The following NADK2 variants were observed in gnomAD, a reference collection of about 807,000 sequenced individuals.
The protein encoded by NADK2 is NAD kinase 2, mitochondrial, also known as NAD kinase domain-containing protein 1, mitochondrial.
In NADK2, 35 loss-of-function variants were observed where a neutral mutation model predicts 62.1. The observed-to-expected ratio is 0.56, with a 90% confidence interval of 0.43 to 0.75. The LOEUF is 0.75. Among genes scored for constraint, NADK2 ranks in the 30% least tolerant of loss-of-function variants. NADK2 has a pLI of 0.00. For missense variants in NADK2, 439 were observed against 561.3 expected (o/e 0.78, Z 2.20); for synonymous variants, 205 against 207.9 (o/e 0.99, Z 0.12).
At chr5:36,239,016 A>G (rs1009709576) in intron 1 of NADK2, among the ~76,000 whole-genome samples, 9 of 152,182 alleles carry the variant, frequency 5.9e-5, no homozygotes, top group Non-Finnish European at 1.3e-4. Context: ...TTGCATTTTA[A>G]CAAATAGCCT....
chr5:36,237,059 T>C (rs1241057385), intron 1 of NADK2, among the ~76,000 whole-genome samples: 1 of 152,162 alleles, frequency 6.6e-6, no homozygotes, highest in East Asian at 1.9e-4. Flanking sequence ...AGTCCCCTTA[T>C]ACAGGGCTGG....
At position 36,241,557 on chromosome 5, in the gene NADK2, T is replaced by C; in HGVS notation, c.242A>G (p.Glu81Gly). 6.4e-7 allele frequency: 1 copy of C among 1,560,340 alleles called. No homozygotes were observed. The highest frequency in any genetic ancestry group is 8.6e-7 in the Non-Finnish European group (1 of 1,162,802). ...VVVVAKTTRY[E>G]FEQQRYRYAE... ...GTAACGGTACCGCTGCTGCTCGAACTCGTACCGGGTGGTTTTGGCCACCAC... is the reference window on the plus strand; with the variant it reads ...GTAACGGTACCGCTGCTGCTCGAACCCGTACCGGGTGGTTTTGGCCACCAC... Residue 81 changes from glutamate to glycine, a missense_variant, in exon 1 of 12, where the codon GAG becomes GGG. By Grantham distance (98) the Glu-to-Gly change is moderately conservative (BLOSUM62 -2). Coordinates refer to ENST00000381937, the MANE Select transcript of NADK2 (RefSeq NM_001085411.3). The surrounding 1 kb of genome is among the most constrained non-coding windows in gnomAD (Gnocchi z 4.9).
intron 6 of NADK2, among the ~76,000 whole-genome samples, chr5:36,214,169 T>C (rs1307913582): frequency 6.6e-6 from 1 of 152,174 alleles, no homozygotes; most frequent in Non-Finnish European, 1.5e-5. Flanking sequence ...CATGAAAAGA[T>C]AAGACTCCAT....
intron 1 of NADK2, among the ~76,000 whole-genome samples, chr5:36,239,659 G>A (rs756983858): frequency 2.0e-5 from 3 of 151,950 alleles, no homozygotes; most frequent in Non-Finnish European, 2.9e-5. Flanking sequence ...ATCTAGTTCA[G>A]AGGTCCAAGA....
At chr5:36,235,886 A>AATATAT (rs879702521) in intron 1 of NADK2, among the ~76,000 whole-genome samples, 1 of 18,392 alleles carries the variant, frequency 5.4e-5, no homozygotes, top group African/African-American at 1.1e-4. Context: ...TTATGAAGAA[A>AATATAT]ATATATATAT....
At chr5:36,203,911 G>C (rs371086043) in intron 8 of NADK2, among the ~76,000 whole-genome samples, 1 of 152,060 alleles carries the variant, frequency 6.6e-6, no homozygotes, top group Non-Finnish European at 1.5e-5. Context: ...AGACACCTCA[G>C]AACCCCTCTC....
intron 8 of NADK2, among the ~76,000 whole-genome samples, chr5:36,203,748 A>G (rs1363514694): frequency 6.6e-6 from 1 of 152,102 alleles, no homozygotes; most frequent in East Asian, 1.9e-4. Flanking sequence ...GAAAACTTGA[A>G]CTATCAAAAT....
At chr5:36,207,376 C>T (rs757297127) in intron 7 of NADK2, 111 bp from the exon 8 acceptor site, 10 of 717,710 alleles carry the variant, frequency 1.4e-5, no homozygotes, top group African/African-American at 3.6e-5. Context: ...CCAAGAAATA[C>T]TTGACTTAGT....
intron 6 of NADK2, among the ~76,000 whole-genome samples, chr5:36,215,035 T>C (rs1746990573): frequency 6.6e-6 from 1 of 152,148 alleles, no homozygotes. Context: ...GCCAATACTA[T>C]GCCATTTTAT....
intron 7 of NADK2, chr5:36,208,826 G>A: frequency 1.6e-6 from 1 of 628,058 alleles, no homozygotes; most frequent in Non-Finnish European, 2.7e-6. Context: ...TAAGTTTTCA[G>A]AGCATAGTGA....
At chr5:36,217,205 C>T (rs1215820961) in intron 6 of NADK2, among the ~76,000 whole-genome samples, 1 of 152,242 alleles carries the variant, frequency 6.6e-6, no homozygotes, top group East Asian at 1.9e-4. Flanking sequence ...TAAAGTCCTA[C>T]ATTTGCTATA....
chr5:36,237,817 A>G (rs79359931), intron 1 of NADK2, among the ~76,000 whole-genome samples: 1 of 152,168 alleles, frequency 6.6e-6, no homozygotes, highest in African/African-American at 2.4e-5. Flanking sequence ...CCTGGAATTC[A>G]GCCGGAGTCA....
chr5:36,225,050 G>C (rs1747431323), intron 4 of NADK2, among the ~76,000 whole-genome samples: 1 of 151,926 alleles, frequency 6.6e-6, no homozygotes, highest in South Asian at 2.1e-4. Context: ...CACTCACCTG[G>C]GTCAAGAACT....
At chr5:36,199,578 A>G (rs1746364487) in intron 10 of NADK2, among the ~76,000 whole-genome samples, 1 of 152,046 alleles carries the variant, frequency 6.6e-6, no homozygotes, top group Non-Finnish European at 1.5e-5. Flanking sequence ...TGTGTTTTTC[A>G]GTTTAAAAAT....
chr5:36,228,792 T>A (rs113466727), intron 1 of NADK2, among the ~76,000 whole-genome samples: 10,187 of 149,366 alleles, frequency 0.068, 802 homozygotes, highest in South Asian at 0.22. Flanking sequence ...CTAATTTATT[T>A]TATTTTTTTT....
Position 36,211,827 on chromosome 5 carries a change from C to A in NADK2, c.860+17G>T, listed in dbSNP as rs1489839308. On this transcript the variant is annotated intron_variant, in intron 7 of 11. Transcript: ENST00000381937. The stretch of plus-strand genomic sequence containing the variant: ...AAACATTAAATTCCATGCTCAAGAT[C>A]ACAGGTTTAAAAGTACCTGGATGAC... 2.5e-6 allele frequency: 4 copies of A among 1,596,152 alleles called. No individual in the cohort carries two copies. The highest frequency in any genetic ancestry group is 1.3e-5 in the African/African-American group (1 of 74,328).
chr5:36,193,012 A>ATGTT lies in NADK2; in HGVS notation c.*2128_*2131dup, dbSNP rs1410630299. On this transcript the variant is annotated 3_prime_UTR_variant, in exon 12 of 12. Coordinates refer to ENST00000381937, the MANE Select transcript of NADK2 (RefSeq NM_001085411.3). The stretch of plus-strand genomic sequence containing the variant: ...AATAAACCCCCATCACAGAGCAGAA[A>ATGTT]TGTTAGAAATTATATCACAAATGGA... The ATGTT allele has an allele frequency of 6.6e-6, 1 of 152,220 alleles. No individual in the cohort carries two copies. Among genetic ancestry groups the ATGTT allele is most frequent in the African/African-American group, 2.4e-5 (1 of 41,462 alleles). The allele number at this position is 152,220 out of a possible 1,614,324, so 9.4% of individuals were successfully genotyped here. A position where few individuals can be genotyped will look rare whatever the true frequency, so the allele number is the denominator to read the frequency against.
intron 11 of NADK2, 76 bp downstream of exon 11, chr5:36,197,461 TTAAA>T (rs1746270756): frequency 1.9e-6 from 3 of 1,565,052 alleles, no homozygotes; most frequent in Non-Finnish European, 2.6e-6. Flanking sequence ...TTTAATGAAA[TTAAA>T]TAGTTTTCAA....
chr5:36,224,425 T>C (rs1441580959), intron 4 of NADK2, among the ~76,000 whole-genome samples: 2 of 151,616 alleles, frequency 1.3e-5, no homozygotes, highest in Non-Finnish European at 2.9e-5. Context: ...GGTGTGGTGG[T>C]GCATGCCTAT....
Sources: allele counts gnomAD v4.1 joint callset (sites outside exome capture counted in the v4.1 genomes callset), GRCh38; gene constraint gnomAD v4.1.1; non-coding constraint Gnocchi (gnomAD v3.1); transcripts MANE v1.5; gene names NCBI Gene and HGNC (gene_info 2026-07-23, HGNC 2026-07-21).